C12orf56: variants seen among roughly 807,000 people sequenced by gnomAD.
C12orf56 encodes the protein chromosome 12 open reading frame 56, also known as uncharacterized protein C12orf56.
In C12orf56, 71 loss-of-function variants were observed where a neutral mutation model predicts 69.9. The ratio of observed to expected loss-of-function variants is 1.02; its 90% CI spans 0.84 to 1.24. C12orf56 has a LOEUF of 1.24. Among genes scored for constraint, C12orf56 ranks in the 50% most tolerant of loss-of-function variants. C12orf56 has a pLI of 0.00. For synonymous variants in C12orf56, 276 were observed against 274.1 expected (o/e 1.01, Z -0.07); for missense variants, 732 against 738.5 (o/e 0.99, Z 0.10).
Position 64,314,419 on chromosome 12 carries a change from A to G in C12orf56, c.895-1667T>C, listed in dbSNP as rs73327159. Among the ~76,000 whole-genome samples, 1,519 of 152,276 alleles carry G rather than the reference A, an allele frequency of 1.0e-2. 30 individuals are homozygous for G. Among genetic ancestry groups the G allele is most frequent in the African/African-American group, 0.034 (1,431 of 41,560 alleles). ...ATATCAATTCTTTTAATGATTATTTAGTATTCCATAGCATAGATACACAAC... is the reference window on the plus strand; with the variant it reads ...ATATCAATTCTTTTAATGATTATTTGGTATTCCATAGCATAGATACACAAC... On this transcript the variant is annotated intron_variant, in intron 4 of 12. Transcript: ENST00000543942.
At chr12:64,269,294 C>T (rs2037952654) in intron 12 of C12orf56, among the ~76,000 whole-genome samples, 1 of 152,094 alleles carries the variant, frequency 6.6e-6, no homozygotes, top group Non-Finnish European at 1.5e-5. Flanking sequence ...TCAGAGACAA[C>T]CTGGGTTTTC....
rs534993082 is a variant in C12orf56, at chr12:64,277,882, G to A, written c.1311-79C>T. 1.2e-5 allele frequency: 14 copies of A among 1,152,316 alleles called. No homozygotes were observed. The Admixed American group carries it at 3.1e-4, about 26-fold the overall frequency. The allele number at this position is 1,152,316 out of a possible 1,614,324, so 71.4% of individuals were successfully genotyped here. ...TGGTGAAGCCAAGTTTCAAACACTG[G>A]ATATAATTATGTTTAAAAGAATGAA... On this transcript the variant is annotated intron_variant, in intron 8 of 12. Coordinates refer to ENST00000543942, the MANE Select transcript of C12orf56 (RefSeq NM_001170633.2).
intron 1 of C12orf56, chr12:64,355,665 CAAGAT>C (rs2039301431): frequency 6.6e-6 from 1 of 152,058 alleles, no homozygotes; most frequent in South Asian, 2.1e-4. Context: ...CATCAGACAC[CAAGAT>C]AATTCCTAAG....
intron 1 of C12orf56, among the ~76,000 whole-genome samples, chr12:64,382,110 A>C (rs2135985960): frequency 6.6e-6 from 1 of 152,086 alleles, no homozygotes; most frequent in Middle Eastern, 3.4e-3. Flanking sequence ...AAAAAATACA[A>C]AAATTAGCCA....
intron 3 of C12orf56, among the ~76,000 whole-genome samples, chr12:64,321,564 G>A (rs2038773459): frequency 6.6e-6 from 1 of 152,088 alleles, no homozygotes; most frequent in Non-Finnish European, 1.5e-5. Context: ...AAACTCCTGG[G>A]TTCAAGCAAT....
intron 6 of C12orf56, among the ~76,000 whole-genome samples, chr12:64,296,900 C>T (rs1429159893): frequency 6.7e-6 from 1 of 148,998 alleles, no homozygotes; most frequent in South Asian, 2.1e-4. Context: ...CTCTTTTGCC[C>T]TCTGCCTTCT....
intron 2 of C12orf56, among the ~76,000 whole-genome samples, chr12:64,351,169 A>G (rs2039217140): frequency 6.6e-6 from 1 of 152,188 alleles, no homozygotes; most frequent in African/African-American, 2.4e-5. Flanking sequence ...AGTTAACCAA[A>G]GCCAAGCCCC....
chr12:64,351,715 C>G (rs1018525883), intron 2 of C12orf56, among the ~76,000 whole-genome samples: 1 of 152,076 alleles, frequency 6.6e-6, no homozygotes, highest in Non-Finnish European at 1.5e-5. Flanking sequence ...AGGGATGCCT[C>G]ACTTTCTCTC....
At chr12:64,337,183 G>C (rs2039008156) in intron 2 of C12orf56, among the ~76,000 whole-genome samples, 1 of 152,132 alleles carries the variant, frequency 6.6e-6, no homozygotes, top group African/African-American at 2.4e-5. Context: ...ATATGTCTGA[G>C]TTGTTTTTAC....
intron 3 of C12orf56, among the ~76,000 whole-genome samples, chr12:64,323,154 G>A (rs2038793552): frequency 6.6e-6 from 1 of 152,312 alleles, no homozygotes; most frequent in South Asian, 2.1e-4. Context: ...TTCAGGGAGA[G>A]AAGATGCAAT....
rs2038691252 is a variant in C12orf56, at chr12:64,316,367, G to C, written c.894+2208C>G. The stretch of plus-strand genomic sequence containing the variant: ...CCCACTTCAGCCTCCGAAAGTGCTG[G>C]GATTATGGGCATGAGGCACCACGCC... On this transcript the variant is annotated intron_variant, in intron 4 of 12. Transcript: ENST00000543942. Among the ~76,000 whole-genome samples, 3 of 152,006 alleles carry C rather than the reference G, an allele frequency of 2.0e-5. No homozygotes were observed. In the South Asian group the frequency reaches 6.2e-4, roughly 32 times the overall value.
rs369259796 is a variant in C12orf56 at position 64,390,296 on chromosome 12, C to A, written c.252+18G>T. On this transcript the variant is annotated intron_variant, in intron 1 of 12. Transcript: ENST00000543942. ...CTCACTGCGCTCCCGAGCCCGCCTG[C>A]CCACCCGCGCCGCTCACCAGGTCAA... The A allele has an allele frequency of 2.5e-6, 4 of 1,590,750 alleles. No homozygotes were observed. Among genetic ancestry groups the A allele is most frequent in the African/African-American group, 2.7e-5 (2 of 74,438 alleles).
intron 8 of C12orf56, among the ~76,000 whole-genome samples, chr12:64,281,205 G>A (rs572457184): frequency 2.0e-5 from 3 of 151,936 alleles, no homozygotes; most frequent in East Asian, 1.9e-4. Flanking sequence ...CCCAGGGGGC[G>A]GAGATTACAG....
At chr12:64,325,738 T>TC (rs35187419) in intron 3 of C12orf56, among the ~76,000 whole-genome samples, 7 of 152,156 alleles carry the variant, frequency 4.6e-5, no homozygotes, top group Non-Finnish European at 1.0e-4. Context: ...CCAATAGTCT[T>TC]CCCCTGAGTG....
At chr12:64,279,567 T>C (rs1427586084) in intron 8 of C12orf56, among the ~76,000 whole-genome samples, 2 of 152,188 alleles carry the variant, frequency 1.3e-5, no homozygotes, top group Non-Finnish European at 2.9e-5. Flanking sequence ...AATACCCTTG[T>C]TTAGTAGGAT....
chr12:64,350,434 T>C (rs1263189140), intron 2 of C12orf56, among the ~76,000 whole-genome samples: 3 of 152,228 alleles, frequency 2.0e-5, no homozygotes, highest in Admixed American at 2.0e-4. Context: ...CTATTTTCTT[T>C]GCAATAGGAT....
intron 1 of C12orf56, among the ~76,000 whole-genome samples, chr12:64,387,312 T>C (rs184576522): frequency 1.2e-4 from 19 of 152,298 alleles, no homozygotes; most frequent in Middle Eastern, 3.4e-3. Flanking sequence ...TGAACTATAT[T>C]GTGCAAGATG....
chr12:64,376,234 C>G (rs2039637992), intron 1 of C12orf56, among the ~76,000 whole-genome samples: 1 of 152,186 alleles, frequency 6.6e-6, no homozygotes, highest in Non-Finnish European at 1.5e-5. Flanking sequence ...TGCCAACTGA[C>G]TACCACTTCT....
intron 1 of C12orf56, among the ~76,000 whole-genome samples, chr12:64,375,639 A>T (rs1293399344): frequency 6.6e-6 from 1 of 152,176 alleles, no homozygotes; most frequent in East Asian, 1.9e-4. Flanking sequence ...ATCAAAGCTG[A>T]TCCTCTTACA....
Sources: gnomAD v4.1 joint callset for allele counts (sites outside exome capture counted in the v4.1 genomes callset) on GRCh38, gnomAD v4.1.1 for gene constraint, MANE v1.5 for transcripts, NCBI Gene and HGNC (gene_info 2026-07-23, HGNC 2026-07-21) for gene names.